Variants in PKNOX2 observed in about 807,000 individuals in gnomAD.
PKNOX2 encodes PBX/knotted 1 homeobox 2, also known as homeobox protein PKNOX2.
Under a neutral mutation model 53.1 loss-of-function variants are expected in PKNOX2, and 14 were observed. The observed-to-expected ratio is 0.26, with a 90% CI of 0.17 to 0.41. PKNOX2 has a LOEUF of 0.41. Among genes scored for constraint, PKNOX2 ranks in the 10% least tolerant of loss-of-function variants. The pLI, the probability that PKNOX2 is intolerant of heterozygous loss-of-function variation, is 1.00. For synonymous variants in PKNOX2, 257 were observed against 242.8 expected, an observed-to-expected ratio of 1.06 and a Z score of -0.54; for missense variants, 496 against 602.8, an observed-to-expected ratio of 0.82 and a Z score of 1.85.
intron 2 of PKNOX2, among the ~76,000 whole-genome samples, chr11:125,280,996 G>A (rs561070933): frequency 2.0e-5 from 3 of 152,318 alleles, no homozygotes; most frequent in Admixed American, 6.5e-5. Context: ...CTGAGTGACC[G>A]TCCTGGCTTC....
chr11:125,228,300 C>T (rs1034335000), intron 1 of PKNOX2, among the ~76,000 whole-genome samples: 1 of 152,088 alleles, frequency 6.6e-6, no homozygotes. Context: ...AATTAGAATT[C>T]GAATTTTAAA....
chr11:125,223,618 G>GT (rs1941420535), intron 1 of PKNOX2, among the ~76,000 whole-genome samples: 1 of 152,160 alleles, frequency 6.6e-6, no homozygotes, highest in African/African-American at 2.4e-5. Flanking sequence ...TAACGAAGCC[G>GT]TCAGTAAGGG....
chr11:125,406,800 A>C (rs1955128265), intron 7 of PKNOX2, among the ~76,000 whole-genome samples: 1 of 151,852 alleles, frequency 6.6e-6, no homozygotes, highest in South Asian at 2.1e-4. Flanking sequence ...GCGTGGTGAA[A>C]GCTCTCTCAT....
In PKNOX2 at chr11:125,352,523, A is replaced by C. The variant is rs1245663893; in HGVS notation, c.87+1131A>C. Among the ~76,000 whole-genome samples, 1 of 152,214 alleles carries C rather than the reference A, an allele frequency of 6.6e-6. No individual in the cohort carries two copies. Among genetic ancestry groups the C allele is most frequent in the Non-Finnish European group, 1.5e-5 (1 of 68,048 alleles). ...CAGCATGAAAGGGGTCTTAAGATGCAGATGCCAGGCTTGTGCTCACTATGG... is the reference window on the plus strand; with the variant it reads ...CAGCATGAAAGGGGTCTTAAGATGCCGATGCCAGGCTTGTGCTCACTATGG... On this transcript the variant is annotated intron_variant, in intron 4 of 12. Transcript: ENST00000298282. This position sits in a 1 kb window ranked among gnomAD's most constrained non-coding sequence, Gnocchi z 4.1.
chr11:125,219,088 T>A (rs534395513), intron 1 of PKNOX2, among the ~76,000 whole-genome samples: 1 of 152,220 alleles, frequency 6.6e-6, no homozygotes, highest in Non-Finnish European at 1.5e-5. Flanking sequence ...TGGGAGGGTG[T>A]TGGCTCTCAA....
At chr11:125,290,997 C>T (rs561687306) in intron 2 of PKNOX2, among the ~76,000 whole-genome samples, 10 of 152,240 alleles carry the variant, frequency 6.6e-5, no homozygotes, top group South Asian at 2.1e-4. Flanking sequence ...CTGAGACAGA[C>T]GCAAGACTAC....
At position 125,274,138 on chromosome 11, in the gene PKNOX2, C is replaced by T. The variant is rs1946002322; in HGVS notation, c.-130+39023C>T. ...TACTTTGCATTTATTCTCTCATTTA[C>T]TTTTATACCAATGCTTTGAGCTAAG... On this transcript the variant is annotated intron_variant, in intron 2 of 12. Coordinates refer to ENST00000298282, the MANE Select transcript of PKNOX2 (RefSeq NM_001382323.2). 2.0e-5 allele frequency among the ~76,000 whole-genome samples: 3 copies of T among 152,196 alleles called. No individual in the cohort carries two copies. In the South Asian group the frequency reaches 6.2e-4, roughly 32 times the overall value.
chr11:125,312,597 G>A (rs1948883031), intron 2 of PKNOX2, among the ~76,000 whole-genome samples: 1 of 152,204 alleles, frequency 6.6e-6, no homozygotes, highest in South Asian at 2.1e-4. Context: ...GTGGATGACT[G>A]CAAGGGCAGA....
At chr11:125,233,082 T>C (rs938358318) in intron 1 of PKNOX2, among the ~76,000 whole-genome samples, 20 of 152,214 alleles carry the variant, frequency 1.3e-4, no homozygotes, top group African/African-American at 4.8e-4. Flanking sequence ...TTGGTAGTTG[T>C]CATGATGTTA....
At chr11:125,224,661 C>T (rs1941529068) in intron 1 of PKNOX2, among the ~76,000 whole-genome samples, 1 of 152,226 alleles carries the variant, frequency 6.6e-6, no homozygotes, top group African/African-American at 2.4e-5. Flanking sequence ...CTTTCAGCAT[C>T]CTGCTGTGAT....
At chr11:125,250,492 G>C (rs756933613) in intron 2 of PKNOX2, among the ~76,000 whole-genome samples, 1 of 152,146 alleles carries the variant, frequency 6.6e-6, no homozygotes, top group African/African-American at 2.4e-5. Context: ...TTAGAGACAG[G>C]CAGACTTCTC....
intron 2 of PKNOX2, among the ~76,000 whole-genome samples, chr11:125,248,941 CGT>C (rs1389103686): frequency 8.5e-6 from 1 of 118,224 alleles, no homozygotes; most frequent in African/African-American, 3.3e-5. Flanking sequence ...CATTATATAA[CGT>C]ATATACATGT....
rs1189543182 is a variant in PKNOX2 at position 125,410,889 on chromosome 11, A to G, written c.816+13A>G. On this transcript the variant is annotated intron_variant, in intron 9 of 12. Transcript: ENST00000298282. ...CCAGAACACACAGGTGAGTGTGTGTAGGTGTGTGCACATGTGCATGGTGTG... is the reference window on the plus strand; with the variant it reads ...CCAGAACACACAGGTGAGTGTGTGTGGGTGTGTGCACATGTGCATGGTGTG... 1.9e-6 allele frequency: 3 copies of G among 1,603,190 alleles called. No individual in the cohort carries two copies. Among genetic ancestry groups the G allele is most frequent in the South Asian group, 2.2e-5 (2 of 90,844 alleles).
intron 1 of PKNOX2, among the ~76,000 whole-genome samples, chr11:125,194,536 C>T (rs1417480651): frequency 6.6e-6 from 1 of 151,834 alleles, no homozygotes; most frequent in Non-Finnish European, 1.5e-5. Flanking sequence ...GGGAACTTGG[C>T]CCTCCTGCCC....
At chr11:125,271,278 G>T (rs1279515277) in intron 2 of PKNOX2, among the ~76,000 whole-genome samples, 1 of 152,160 alleles carries the variant, frequency 6.6e-6, no homozygotes, top group Non-Finnish European at 1.5e-5. Flanking sequence ...TGGCCATTTT[G>T]CTCTGCTTTT....
rs542969106 is a variant in PKNOX2 at position 125,222,686 on chromosome 11, ATG to A, written c.-200-12351_-200-12350del. On this transcript the variant is annotated intron_variant, in intron 1 of 12. Transcript: ENST00000298282. The stretch of plus-strand genomic sequence containing the variant: ...TATGTGTGTGTGTATGTGTGTGCGT[ATG>A]TGTGTGTATGTGTGTGTGTGCTGTG... Among the ~76,000 whole-genome samples the A allele has an allele frequency of 3.4e-4, 39 of 113,628 alleles. 1 individual carries two copies. The South Asian group carries it at 0.01, about 29-fold the overall frequency. The allele number at this position is 113,628 out of a possible 152,430, so 74.5% of individuals were successfully genotyped here.
chr11:125,237,742 C>T (rs768737003), intron 2 of PKNOX2, among the ~76,000 whole-genome samples: 1 of 152,164 alleles, frequency 6.6e-6, no homozygotes, highest in African/African-American at 2.4e-5. Context: ...GCAGAAACTT[C>T]GACCTCAGGG....
chr11:125,275,500 C>A (rs1291270236), intron 2 of PKNOX2, among the ~76,000 whole-genome samples: 4 of 152,098 alleles, frequency 2.6e-5, no homozygotes, highest in African/African-American at 4.8e-5. Context: ...GCTGAGTGTG[C>A]TTTAGAAAGA....
intron 3 of PKNOX2, among the ~76,000 whole-genome samples, chr11:125,347,157 C>T (rs1008978408): frequency 8.5e-5 from 13 of 152,120 alleles, no homozygotes; most frequent in Admixed American, 2.0e-4. Flanking sequence ...CCATGGGCCC[C>T]GTCTCCAGTT....
Sources: gnomAD v4.1 joint callset for allele counts (sites outside exome capture counted in the v4.1 genomes callset) on GRCh38, gnomAD v4.1.1 for gene constraint, Gnocchi (gnomAD v3.1) non-coding constraint, MANE v1.5 for transcripts, NCBI Gene and HGNC (gene_info 2026-07-23, HGNC 2026-07-21) for gene names.